Variants in MCF2L2 observed in about 807,000 individuals in gnomAD.
MCF2L2 encodes MCF.2 cell line derived transforming sequence-like 2, also known as probable guanine nucleotide exchange factor MCF2L2.
A neutral mutation model predicts 150.2 loss-of-function variants in MCF2L2; 102 were observed. The ratio of observed to expected loss-of-function variants is 0.68; its 90% CI spans 0.58 to 0.80. MCF2L2 has a LOEUF of 0.80. Ranked by LOEUF, MCF2L2 falls within the 30% of genes least tolerant of loss-of-function variation. MCF2L2 has a pLI of 0.00. For missense variants in MCF2L2, 1,256 were observed against 1,372.8 expected, an observed-to-expected ratio of 0.91 and a Z score of 1.34; for synonymous variants, 465 against 491.3, an observed-to-expected ratio of 0.95 and a Z score of 0.71.
At chr3:183,417,253 G>A (rs1359457514) in intron 1 of MCF2L2, among the ~76,000 whole-genome samples, 1 of 151,932 alleles carries the variant, frequency 6.6e-6, no homozygotes, top group Non-Finnish European at 1.5e-5. Flanking sequence ...GTAAACACTG[G>A]GGGGTACTGG....
At chr3:183,288,804 C>A (rs1411897516) in intron 14 of MCF2L2, among the ~76,000 whole-genome samples, 6 of 152,082 alleles carry the variant, frequency 3.9e-5, no homozygotes, top group Non-Finnish European at 7.4e-5. Flanking sequence ...TATACATGAA[C>A]CATACACTGT....
chr3:183,356,565 C>T (rs1006377290), intron 3 of MCF2L2, among the ~76,000 whole-genome samples: 36 of 151,840 alleles, frequency 2.4e-4, no homozygotes, highest in Admixed American at 2.4e-3. Flanking sequence ...ATCAAGCATC[C>T]CTAAAGGAAA....
intron 5 of MCF2L2, among the ~76,000 whole-genome samples, chr3:183,337,767 G>A (rs986939756): frequency 2.6e-5 from 4 of 152,110 alleles, no homozygotes; most frequent in African/African-American, 9.7e-5. Context: ...GCAGCTTCAT[G>A]CAGATGTGTG....
At chr3:183,243,826 T>C (rs1409593191) in intron 15 of MCF2L2, among the ~76,000 whole-genome samples, 1 of 152,168 alleles carries the variant, frequency 6.6e-6, no homozygotes, top group Non-Finnish European at 1.5e-5. Flanking sequence ...TCTAATCATA[T>C]TAAGCAACCA....
chr3:183,217,482 A>AAAAAAG (rs1162879236), intron 21 of MCF2L2, among the ~76,000 whole-genome samples: 1 of 151,942 alleles, frequency 6.6e-6, no homozygotes, highest in African/African-American at 2.4e-5. Flanking sequence ...ACAAAAAAAG[A>AAAAAAG]AAAAAGAAAA....
chr3:183,427,995 C>T lies in MCF2L2; in HGVS notation c.-18G>A. 1 of 1,601,562 alleles carries T rather than the reference C, an allele frequency of 6.2e-7. No homozygotes were observed. The highest frequency in any genetic ancestry group is 8.6e-7 in the Non-Finnish European group (1 of 1,168,796). On this transcript the variant is annotated 5_prime_UTR_variant, in exon 1 of 30. Transcript: ENST00000328913. ...GACAGCATTTCACTGAAAAACCATTCCGTATAAATAAAGCCAAACAAAACT... is the reference window on the plus strand; with the variant it reads ...GACAGCATTTCACTGAAAAACCATTTCGTATAAATAAAGCCAAACAAAACT...
chr3:183,285,347 G>A (rs547834791), intron 14 of MCF2L2, among the ~76,000 whole-genome samples: 1 of 152,328 alleles, frequency 6.6e-6, no homozygotes, highest in South Asian at 2.1e-4. Context: ...TGCTGGTTGG[G>A]TACATTAAGT....
chr3:183,349,842 A>C (rs1011647052), intron 3 of MCF2L2, among the ~76,000 whole-genome samples: 1 of 151,598 alleles, frequency 6.6e-6, no homozygotes, highest in African/African-American at 2.4e-5. Flanking sequence ...ACCTTGTGGC[A>C]GCTTGATTTT....
At chr3:183,375,901 T>C (rs541507214) in intron 3 of MCF2L2, 1 of 152,350 alleles carries the variant, frequency 6.6e-6, no homozygotes, top group Non-Finnish European at 1.5e-5. Context: ...TTTCATTCTT[T>C]GAAATCTGAC....
intron 1 of MCF2L2, 120 bp downstream of exon 1, chr3:183,427,782 G>T: frequency 1.2e-6 from 1 of 851,018 alleles, no homozygotes; most frequent in Non-Finnish European, 1.9e-6. Flanking sequence ...CAGATGCCGG[G>T]CAACCCCCCA....
intron 13 of MCF2L2, among the ~76,000 whole-genome samples, chr3:183,289,712 CG>C (rs1289173625): frequency 2.0e-5 from 3 of 152,070 alleles, no homozygotes; most frequent in Non-Finnish European, 4.4e-5. Flanking sequence ...AAAAATTATC[CG>C]GGAACAGTGG....
chr3:183,381,997 C>A (rs73884701), intron 2 of MCF2L2, among the ~76,000 whole-genome samples: 2,183 of 152,194 alleles, frequency 0.014, 49 homozygotes, highest in African/African-American at 0.05. Flanking sequence ...TTTCAAGGAA[C>A]TGAAATACCC....
chr3:183,268,775 G>A lies in MCF2L2; in HGVS notation c.1862+8097C>T, dbSNP rs548394561. On this transcript the variant is annotated intron_variant, in intron 15 of 29. Coordinates refer to ENST00000328913, the MANE Select transcript of MCF2L2 (RefSeq NM_015078.4). ...TGCGCATGATATGGTACAAGAAACCGTAAGTGGCTAAGGCGGCATTGGTGT... is the reference window on the plus strand; with the variant it reads ...TGCGCATGATATGGTACAAGAAACCATAAGTGGCTAAGGCGGCATTGGTGT... Among the ~76,000 whole-genome samples, 9 of 152,298 alleles carry A rather than the reference G, an allele frequency of 5.9e-5. 1 individual carries two copies. Among genetic ancestry groups the A allele is most frequent in the East Asian group, 5.8e-4 (3 of 5,188 alleles).
At chr3:183,388,352 G>GGCCACA (rs11280799) in intron 2 of MCF2L2, among the ~76,000 whole-genome samples, 130,107 of 151,532 alleles carry the variant, frequency 0.86, 56,286 homozygotes, top group Non-Finnish European at 0.91. Flanking sequence ...TCTGTGGTAG[G>GGCCACA]GCAACAGTTT....
At chr3:183,352,669 G>A (rs1027103886) in intron 3 of MCF2L2, among the ~76,000 whole-genome samples, 3 of 152,166 alleles carry the variant, frequency 2.0e-5, no homozygotes, top group Admixed American at 6.5e-5. Context: ...GACATCAGTA[G>A]CTCTTGAGTA....
intron 2 of MCF2L2, among the ~76,000 whole-genome samples, chr3:183,385,115 A>C (rs1713756938): frequency 6.6e-6 from 1 of 152,206 alleles, no homozygotes; most frequent in African/African-American, 2.4e-5. Flanking sequence ...GTAAAATCCC[A>C]AAAATGTTGA....
chr3:183,354,399 C>T lies in MCF2L2; in HGVS notation c.276-12769G>A, dbSNP rs373333582. Reference sequence around the variant, plus strand: ...TTAACTGAGAGTCTGGCACCTTTTACGGTCTGATAAGGGACATTTACCATC... The same window carrying T: ...TTAACTGAGAGTCTGGCACCTTTTATGGTCTGATAAGGGACATTTACCATC... On this transcript the variant is annotated intron_variant, in intron 3 of 29. Transcript: ENST00000328913. Among the ~76,000 whole-genome samples, 30 of 152,264 alleles carry T rather than the reference C, an allele frequency of 2.0e-4. No individual in the cohort carries two copies. The South Asian group carries it at 2.5e-3, about 13-fold the overall frequency.
At chr3:183,301,135 C>T (rs1284713947) in intron 10 of MCF2L2, among the ~76,000 whole-genome samples, 2 of 151,824 alleles carry the variant, frequency 1.3e-5, no homozygotes, top group African/African-American at 4.8e-5. Context: ...TTCTGCATGA[C>T]ACTTCGCTCT....
chr3:183,191,740 CTTTTCACTTAAAGGAAGCAT>C (rs1318010021), intron 27 of MCF2L2, among the ~76,000 whole-genome samples: 3 of 152,124 alleles, frequency 2.0e-5, no homozygotes, highest in Non-Finnish European at 4.4e-5. Context: ...CAACTTTCAC[CTTTTCACTTAAAGGAAGCAT>C]TTGACGGCTT....
Sources: allele counts gnomAD v4.1 joint callset (sites outside exome capture counted in the v4.1 genomes callset), GRCh38; gene constraint gnomAD v4.1.1; transcripts MANE v1.5; gene names NCBI Gene and HGNC (gene_info 2026-07-23, HGNC 2026-07-21).